The following ARHGAP6 variants were observed in gnomAD, a reference collection of about 807,000 sequenced individuals.
The protein encoded by ARHGAP6 is rho GTPase-activating protein 6.
In ARHGAP6, 16 loss-of-function variants were observed where a neutral mutation model predicts 55.7. The ratio of observed to expected loss-of-function variants is 0.29; its 90% confidence interval spans 0.19 to 0.44. The LOEUF (loss-of-function observed/expected upper bound fraction) is 0.44, where lower values mean the gene tolerates loss of function less well. ARHGAP6 is among the 20% of genes least tolerant of loss of function. The probability of loss-of-function intolerance (pLI) is 1.00; values close to 1 mark genes in which losing one functional copy is unlikely to be tolerated. For synonymous variants in ARHGAP6, 382 were observed against 360.9 expected, an observed-to-expected ratio of 1.06 and a Z score of -0.66; for missense variants, 698 against 808.9, an observed-to-expected ratio of 0.86 and a Z score of 1.66.
chrX:11,301,583 T>C (rs1044856861), intron 1 of ARHGAP6, among the ~76,000 whole-genome samples: 3 of 112,008 alleles, frequency 2.7e-5, no homozygotes, highest in African/African-American at 9.7e-5. Flanking sequence ...ATAACTTTAT[T>C]GGGAGGGTGT....
intron 1 of ARHGAP6, among the ~76,000 whole-genome samples, chrX:11,371,802 C>T (rs1384478288): frequency 8.9e-6 from 1 of 112,389 alleles, no homozygotes; most frequent in African/African-American, 3.2e-5. Flanking sequence ...AGCTCATGCT[C>T]ATATCCTAAT....
chrX:11,574,088 T>A (rs2051565997), intron 1 of ARHGAP6, among the ~76,000 whole-genome samples: 2 of 110,871 alleles, frequency 1.8e-5, no homozygotes, highest in Non-Finnish European at 3.8e-5. Context: ...AATCAACAGC[T>A]TACCAACCAA....
At chrX:11,200,109 G>A (rs183467171) in intron 2 of ARHGAP6, among the ~76,000 whole-genome samples, 4 of 112,484 alleles carry the variant, frequency 3.6e-5, no homozygotes, top group African/African-American at 1.3e-4. Context: ...GTGGTTAAAT[G>A]CCATTCTGTC....
At chrX:11,139,579 C>T (rs755814101) in intron 12 of ARHGAP6, 49 bp from the exon 13 acceptor site, 2 of 1,091,881 alleles carry the variant, frequency 1.8e-6, no homozygotes, top group Non-Finnish European at 2.4e-6. Flanking sequence ...TTGTAGAATC[C>T]TTGCTGGGGA....
At chrX:11,245,702 A>G (rs1442553823) in intron 2 of ARHGAP6, among the ~76,000 whole-genome samples, 2 of 111,977 alleles carry the variant, frequency 1.8e-5, no homozygotes, top group Non-Finnish European at 3.8e-5. Flanking sequence ...AGGATAGGAG[A>G]GAATATTATA....
intron 1 of ARHGAP6, among the ~76,000 whole-genome samples, chrX:11,480,695 C>A (rs938114449): frequency 8.9e-6 from 1 of 112,155 alleles, no homozygotes; most frequent in African/African-American, 3.2e-5. Flanking sequence ...TTCCTCCCCC[C>A]AGTCTTTTTT....
chrX:11,403,707 T>G (rs945859535), intron 1 of ARHGAP6, among the ~76,000 whole-genome samples: 5 of 112,325 alleles, frequency 4.5e-5, no homozygotes, highest in Non-Finnish European at 9.4e-5. Flanking sequence ...GTTGCTTGAC[T>G]GAGCTTGGCT....
chrX:11,475,789 G>GT (rs2050397803), intron 1 of ARHGAP6, among the ~76,000 whole-genome samples: 1 of 99,072 alleles, frequency 1.0e-5, no homozygotes, highest in Non-Finnish European at 2.1e-5. Flanking sequence ...CATTGCTGAA[G>GT]TAAAAAAAAA....
At chrX:11,643,552 T>C (rs2052497223) in intron 1 of ARHGAP6, among the ~76,000 whole-genome samples, 1 of 112,231 alleles carries the variant, frequency 8.9e-6, no homozygotes, top group African/African-American at 3.2e-5. Flanking sequence ...AGAGATATTA[T>C]AATATTTTGA....
chrX:11,524,710 G>C (rs926117378), intron 1 of ARHGAP6, among the ~76,000 whole-genome samples: 4 of 111,082 alleles, frequency 3.6e-5, no homozygotes, highest in African/African-American at 1.3e-4. Context: ...CCAAGGACCG[G>C]AGGGGAGGAG....
At chrX:11,478,515 G>C (rs2050425296) in intron 1 of ARHGAP6, among the ~76,000 whole-genome samples, 1 of 112,117 alleles carries the variant, frequency 8.9e-6, no homozygotes, top group African/African-American at 3.2e-5. Flanking sequence ...GATGGCAGTT[G>C]CCTCTGAGCA....
At chrX:11,654,376 T>G (rs1341368050) in intron 1 of ARHGAP6, among the ~76,000 whole-genome samples, 1 of 111,780 alleles carries the variant, frequency 8.9e-6, no homozygotes, top group Non-Finnish European at 1.9e-5. Flanking sequence ...AACATGTTAT[T>G]TTCTTGGTCC....
chrX:11,196,872 T>C, intron 3 of ARHGAP6, 53 bp downstream of exon 3: 1 of 671,910 alleles, frequency 1.5e-6, no homozygotes, highest in African/African-American at 2.1e-5. Flanking sequence ...CCACCAAATT[T>C]AACCATTATG....
rs1184853269 is a variant in ARHGAP6 at position 11,388,332 on chromosome X, T to G, written c.589-133625A>C. On this transcript the variant is annotated intron_variant, in intron 1 of 12. Coordinates refer to ENST00000337414, the MANE Select transcript of ARHGAP6 (RefSeq NM_013427.3). ...ATGATGAGCATTTTTTCATGTGTCTTTTGGCTGCATAAATGTCTTCTTTTG... is the reference window on the plus strand; with the variant it reads ...ATGATGAGCATTTTTTCATGTGTCTGTTGGCTGCATAAATGTCTTCTTTTG... Among the ~76,000 whole-genome samples, 9 of 111,971 alleles carry G rather than the reference T, an allele frequency of 8.0e-5. 1 individual carries two copies. The highest frequency in any genetic ancestry group is 1.9e-4 in the African/African-American group (6 of 30,811).
intron 2 of ARHGAP6, chrX:11,225,552 T>C: frequency 4.6e-6 from 1 of 219,453 alleles, no homozygotes; most frequent in Non-Finnish European, 8.3e-6. Context: ...AAATGTTGTC[T>C]AATAGTGTTC....
At chrX:11,152,795 C>T (rs913783874) in intron 10 of ARHGAP6, among the ~76,000 whole-genome samples, 2 of 112,381 alleles carry the variant, frequency 1.8e-5, no homozygotes, top group Admixed American at 9.4e-5. Flanking sequence ...TGATATCCAA[C>T]GTGGTAGATC....
chrX:11,529,703 T>C (rs756326341), intron 1 of ARHGAP6, among the ~76,000 whole-genome samples: 8 of 111,891 alleles, frequency 7.1e-5, no homozygotes, highest in African/African-American at 2.6e-4. Context: ...CTTGTTCTTT[T>C]ATTAATAAGA....
At chrX:11,660,575 A>C (rs1456519969) in intron 1 of ARHGAP6, among the ~76,000 whole-genome samples, 1 of 94,966 alleles carries the variant, frequency 1.1e-5, no homozygotes, top group African/African-American at 3.9e-5. Flanking sequence ...AAAAAAAAAA[A>C]AAACCCAACA....
rs756431625 is a variant in ARHGAP6, at chrX:11,294,862, C to T, written c.589-40155G>A. The T allele has an allele frequency of 2.2e-5, 26 of 1,208,608 alleles. No homozygotes were observed. In the South Asian group the frequency reaches 3.9e-4, roughly 18 times the overall value. ...ATGCCTGTGAGTAAAACACCCCTTG[C>T]ATAAGTCAGTGTCCAATTTCACAAA... is the stretch of plus-strand genomic sequence containing the variant. On this transcript the variant is annotated intron_variant, in intron 1 of 12. Transcript: ENST00000337414.
Sources: allele counts gnomAD v4.1 joint callset (sites outside exome capture counted in the v4.1 genomes callset), GRCh38; gene constraint gnomAD v4.1.1; transcripts MANE v1.5; gene names NCBI Gene and HGNC (gene_info 2026-07-23, HGNC 2026-07-21).